FOXN2: variants seen among roughly 807,000 people sequenced by gnomAD.
The protein encoded by FOXN2 is forkhead box protein N2.
FOXN2 carries 19 observed loss-of-function variants against 41.2 expected under a neutral mutation model. That is an observed-to-expected ratio of 0.46 (90% confidence interval 0.32 to 0.68). FOXN2 has a LOEUF of 0.68. Ranked by LOEUF, FOXN2 falls within the 30% of genes least tolerant of loss-of-function variation. The pLI, the probability that FOXN2 is intolerant of heterozygous loss-of-function variation, is 0.03. For missense variants in FOXN2, 587 were observed against 509.4 expected (o/e 1.15, Z -1.47); for synonymous variants, 195 against 176.8 (o/e 1.10, Z -0.82).
chr2:48,367,266 T>G (rs1337792828), intron 5 of FOXN2, among the ~76,000 whole-genome samples: 6 of 152,208 alleles, frequency 3.9e-5, no homozygotes, highest in African/African-American at 2.4e-5. Context: ...TTAAAAATAT[T>G]ACTGAGCTGT....
At chr2:48,359,607 C>CTT (rs1021218228) in intron 4 of FOXN2, among the ~76,000 whole-genome samples, 39 of 149,098 alleles carry the variant, frequency 2.6e-4, no homozygotes, top group Admixed American at 1.5e-3. Flanking sequence ...TTTTTCTTTT[C>CTT]TTTTCTTTTC....
intron 2 of FOXN2, among the ~76,000 whole-genome samples, chr2:48,334,993 G>A (rs1422711267): frequency 1.3e-5 from 2 of 152,140 alleles, no homozygotes; most frequent in Non-Finnish European, 1.5e-5. Context: ...ATCCTGGGCT[G>A]TTACTACTCC....
upstream of FOXN2, among the ~76,000 whole-genome samples, chr2:48,314,294 C>T (rs1011935476): frequency 1.3e-5 from 2 of 152,264 alleles, no homozygotes; most frequent in Admixed American, 6.5e-5. Flanking sequence ...CGCCGCGCCT[C>T]CGCCGCACTC....
chr2:48,346,414 ATCT>A lies in FOXN2; in HGVS notation c.204_206del (p.Leu69del), dbSNP rs1671103392. The A allele has an allele frequency of 3.1e-6, 5 of 1,614,088 alleles. No individual in the cohort carries two copies. The highest frequency in any genetic ancestry group is 1.7e-5 in the Admixed American group (1 of 59,990). On this transcript the variant is annotated inframe_deletion, in exon 3 of 7. Coordinates refer to ENST00000340553, the MANE Select transcript of FOXN2 (RefSeq NM_002158.4). ...TTGAACTGGCTTCATGAAAGCACTA[ATCT>A]TCTAACAAACTTCAGCCTCGGAAGT... is the stretch of plus-strand genomic sequence containing the variant.
At chr2:48,372,752 A>G (rs35573883) in intron 5 of FOXN2, among the ~76,000 whole-genome samples, 2 of 152,118 alleles carry the variant, frequency 1.3e-5, no homozygotes, top group African/African-American at 2.4e-5. Context: ...ATGACTAAAA[A>G]CAATAATAAT....
At chr2:48,363,114 C>T (rs1343577307) in intron 5 of FOXN2, among the ~76,000 whole-genome samples, 3 of 152,134 alleles carry the variant, frequency 2.0e-5, no homozygotes, top group Non-Finnish European at 4.4e-5. Flanking sequence ...GGCATTGTTA[C>T]AGTAAGATGA....
intron 2 of FOXN2, among the ~76,000 whole-genome samples, chr2:48,331,671 G>T (rs1670027479): frequency 6.6e-6 from 1 of 152,086 alleles, no homozygotes; most frequent in Non-Finnish European, 1.5e-5. Context: ...AAGAAAATTA[G>T]CTGAGTGTGG....
chr2:48,327,085 C>G (rs1669725190), intron 1 of FOXN2, among the ~76,000 whole-genome samples: 1 of 152,036 alleles, frequency 6.6e-6, no homozygotes, highest in African/African-American at 2.4e-5. Context: ...AAATTTATCT[C>G]CAGACCAGAC....
intron 5 of FOXN2, among the ~76,000 whole-genome samples, chr2:48,370,445 C>G (rs911755971): frequency 1.3e-5 from 2 of 152,178 alleles, no homozygotes; most frequent in Non-Finnish European, 2.9e-5. Context: ...AGATATCATT[C>G]TTTCTCTCCC....
chr2:48,345,931 TTAAAA>T (rs1490592459), intron 2 of FOXN2, among the ~76,000 whole-genome samples: 1 of 152,180 alleles, frequency 6.6e-6, no homozygotes, highest in Non-Finnish European at 1.5e-5. Context: ...TACTAAGTAT[TTAAAA>T]TACACTATTT....
rs1178069710 is a variant in FOXN2 at position 48,377,893 on chromosome 2, A to C, written c.*2450A>C. 1 of 152,042 alleles carries C rather than the reference A, an allele frequency of 6.6e-6. No individual in the cohort carries two copies. Among genetic ancestry groups the C allele is most frequent in the Non-Finnish European group, 1.5e-5 (1 of 67,906 alleles). The allele number at this position is 152,042 out of a possible 1,614,324, so 9.4% of individuals were successfully genotyped here. A position where few individuals can be genotyped will look rare whatever the true frequency, so the allele number is the denominator to read the frequency against. The stretch of plus-strand genomic sequence containing the variant: ...TTTGAGAAACATGACTAATAACCAC[A>C]CAATTAAGTAGAGTCATTCCAAGTC... On this transcript the variant is annotated 3_prime_UTR_variant, in exon 7 of 7. Transcript: ENST00000340553.
At chr2:48,319,018 A>C (rs1025777722) in intron 1 of FOXN2, among the ~76,000 whole-genome samples, 3 of 152,236 alleles carry the variant, frequency 2.0e-5, no homozygotes, top group African/African-American at 7.2e-5. Flanking sequence ...TAGATACATT[A>C]CTGTTAAATC....
chr2:48,375,140 A>C lies in FOXN2; in HGVS notation c.993A>C (p.Glu331Asp). Residue 331 changes from glutamate to aspartate, a missense_variant, in exon 7 of 7, where the codon GAA (glutamate) becomes GAC (aspartate). Transcript: ENST00000340553. The part of the protein sequence containing the change: ...SSLSSVDEVY[E>D]FIPKNSHVGS... ...TGTCTTCTGTGGATGAGGTATATGAATTTATCCCAAAGAATAGTCACGTGG... is the reference window on the plus strand; with the variant it reads ...TGTCTTCTGTGGATGAGGTATATGACTTTATCCCAAAGAATAGTCACGTGG... 6.2e-7 allele frequency: 1 copy of C among 1,614,114 alleles called. No homozygotes were observed. Among genetic ancestry groups the C allele is most frequent in the Non-Finnish European group, 8.5e-7 (1 of 1,179,976 alleles).
intron 3 of FOXN2, among the ~76,000 whole-genome samples, chr2:48,354,080 A>G (rs1298890721): frequency 6.6e-6 from 1 of 152,218 alleles, no homozygotes; most frequent in Non-Finnish European, 1.5e-5. Context: ...AAATATAGGC[A>G]GGAATAGAGG....
intron 5 of FOXN2, among the ~76,000 whole-genome samples, chr2:48,369,978 TGACAGAGGGA>T (rs1672781810): frequency 6.6e-6 from 1 of 151,004 alleles, no homozygotes; most frequent in African/African-American, 2.4e-5. Context: ...CCAGCCTGAG[TGACAGAGGGA>T]GACCTTGTAT....
intron 5 of FOXN2, among the ~76,000 whole-genome samples, chr2:48,368,677 G>A (rs1173584549): frequency 6.6e-6 from 1 of 152,218 alleles, no homozygotes; most frequent in Non-Finnish European, 1.5e-5. Context: ...GGACAACGGA[G>A]TGAGACCCTG....
chr2:48,369,224 C>G (rs1375039633), intron 5 of FOXN2, among the ~76,000 whole-genome samples: 1 of 152,148 alleles, frequency 6.6e-6, no homozygotes, highest in Admixed American at 6.5e-5. Flanking sequence ...TTCCTTGAAT[C>G]ATAATGGATG....
intron 4 of FOXN2, among the ~76,000 whole-genome samples, chr2:48,361,336 C>T (rs566334291): frequency 3.9e-4 from 60 of 152,018 alleles, no homozygotes; most frequent in East Asian, 9.7e-4. Flanking sequence ...TGTGGTGGCA[C>T]GCGCCTGTAA....
intron 1 of FOXN2, among the ~76,000 whole-genome samples, chr2:48,321,261 C>A (rs1463361475): frequency 3.3e-5 from 5 of 152,050 alleles, no homozygotes; most frequent in African/African-American, 1.2e-4. Context: ...CTAGGCTGGG[C>A]ACAGTGGCTC....
Sources: allele counts gnomAD v4.1 joint callset (sites outside exome capture counted in the v4.1 genomes callset), GRCh38; gene constraint gnomAD v4.1.1; transcripts MANE v1.5; gene names NCBI Gene and HGNC (gene_info 2026-07-23, HGNC 2026-07-21).